The following SYBU variants were observed in gnomAD, a reference collection of about 807,000 sequenced individuals.
SYBU encodes syntabulin, also known as GOLSYN A protein.
SYBU carries 21 observed loss-of-function variants against 35.9 expected under a neutral mutation model. The observed-to-expected ratio is 0.58, with a 90% CI of 0.41 to 0.84. The LOEUF (loss-of-function observed/expected upper bound fraction) is 0.84, where lower values mean the gene tolerates loss of function less well. Among genes scored for constraint, SYBU ranks in the 40% least tolerant of loss-of-function variants. The pLI is 0.00. For missense variants in SYBU, 768 were observed against 848.2 expected, an observed-to-expected ratio of 0.91 and a Z score of 1.17; for synonymous variants, 319 against 324.3, an observed-to-expected ratio of 0.98 and a Z score of 0.18.
At chr8:109,690,642 G>C (rs557903412) in intron 1 of SYBU, among the ~76,000 whole-genome samples, 1 of 152,166 alleles carries the variant, frequency 6.6e-6, no homozygotes, top group East Asian at 1.9e-4. Context: ...CATTTAAAAA[G>C]CTTTCAGAAT....
At position 109,621,808 on chromosome 8, in the gene SYBU, G is replaced by A. The variant is rs115472544; in HGVS notation, c.230-2769C>T. Among the ~76,000 whole-genome samples the A allele has an allele frequency of 8.2e-3, 1,248 of 152,236 alleles. 8 individuals are homozygous for A. The highest frequency in any genetic ancestry group is 0.028 in the African/African-American group (1,177 of 41,534). On this transcript the variant is annotated intron_variant, in intron 2 of 6. Coordinates refer to ENST00000276646, the MANE Select transcript of SYBU (RefSeq NM_001099754.2). Reference sequence around the variant, plus strand: ...TTTGCCTGTTTTGTCTAATGCACCCGACACTAACAAAGGAATCTAGAAAGG... The same window carrying A: ...TTTGCCTGTTTTGTCTAATGCACCCAACACTAACAAAGGAATCTAGAAAGG...
upstream of SYBU, chr8:109,645,542 C>T (rs1156236627): frequency 6.1e-6 from 2 of 327,924 alleles, no homozygotes; most frequent in Admixed American, 3.8e-5. Flanking sequence ...TGGAATTGAA[C>T]TCAGAAAAAC....
At chr8:109,657,738 C>T (rs1218177980) in intron 1 of SYBU, among the ~76,000 whole-genome samples, 1 of 152,196 alleles carries the variant, frequency 6.6e-6, no homozygotes, top group East Asian at 1.9e-4. Flanking sequence ...GAGCAATCCC[C>T]TTGTCTAGCC....
At chr8:109,601,869 T>C (rs1175490432) in intron 3 of SYBU, among the ~76,000 whole-genome samples, 1 of 152,134 alleles carries the variant, frequency 6.6e-6, no homozygotes, top group Non-Finnish European at 1.5e-5. Context: ...AAAATTATGC[T>C]ATGGGCAAGA....
intron 3 of SYBU, among the ~76,000 whole-genome samples, chr8:109,604,689 T>C (rs1031581098): frequency 1.3e-5 from 2 of 152,190 alleles, no homozygotes; most frequent in African/African-American, 2.4e-5. Context: ...CTGGGCAGTA[T>C]AGGAGGCTAT....
intron 1 of SYBU, among the ~76,000 whole-genome samples, chr8:109,663,726 C>T (rs1816657687): frequency 1.3e-5 from 2 of 151,480 alleles, no homozygotes; most frequent in South Asian, 2.1e-4. Flanking sequence ...TCTATTTGAC[C>T]CTAACCTGTA....
At chr8:109,593,149 A>G (rs928404511) in intron 3 of SYBU, among the ~76,000 whole-genome samples, 60 of 152,202 alleles carry the variant, frequency 3.9e-4, no homozygotes, top group African/African-American at 1.4e-3. Flanking sequence ...TGCATTTTTG[A>G]TAATTACTAT....
upstream of SYBU, chr8:109,645,352 C>T (rs1421787686): frequency 2.2e-6 from 1 of 456,654 alleles, no homozygotes; most frequent in Admixed American, 2.3e-5. Flanking sequence ...ATCTGAAAGG[C>T]TGCGATGGAT....
At chr8:109,614,190 G>A (rs549272948) in intron 3 of SYBU, among the ~76,000 whole-genome samples, 1 of 152,176 alleles carries the variant, frequency 6.6e-6, no homozygotes, top group East Asian at 1.9e-4. Context: ...CTAACCTTGT[G>A]GACAAAAAGA....
rs572178801 is a variant in SYBU, at chr8:109,675,923, T to C, written c.-129+4788A>G. On this transcript the variant is annotated intron_variant, in intron 1 of 5. Coordinates refer to the SYBU transcript ENST00000408889. ...CTGTCAAACCAAATCCAGCAGCACA[T>C]TGAAAAGCTTATCCACCATGATCAA... is the stretch of plus-strand genomic sequence containing the variant. Among the ~76,000 whole-genome samples, 13 of 152,320 alleles carry C rather than the reference T, an allele frequency of 8.5e-5. No homozygotes were observed. The East Asian group carries it at 9.6e-4, about 11-fold the overall frequency.
intron 2 of SYBU, among the ~76,000 whole-genome samples, chr8:109,623,817 C>A (rs1227315899): frequency 6.6e-6 from 1 of 151,904 alleles, no homozygotes; most frequent in East Asian, 1.9e-4. Flanking sequence ...TAATTATAAA[C>A]CCATAATTCT....
rs926635461 is a variant in SYBU, at chr8:109,575,446, C to T, written c.1452G>A (p.Val484=). The T allele has an allele frequency of 4.3e-6, 7 of 1,614,006 alleles. No individual in the cohort carries two copies. In the African/African-American group the frequency reaches 9.3e-5, roughly 22 times the overall value. Residue 484 remains valine, a synonymous_variant, in exon 7 of 7, where the codon GTG becomes GTA. Coordinates refer to ENST00000276646, the MANE Select transcript of SYBU (RefSeq NM_001099754.2). The part of the protein sequence containing the change: ...VMGQEEGSVV[V]ERAVQTDVVP... ...CCACGTCGGTCTGAACGGCTCGCTC[C>T]ACCACCACACTGCCCTCCTCCTGAC...
chr8:109,603,950 C>G (rs906751446), intron 3 of SYBU, among the ~76,000 whole-genome samples: 1 of 152,136 alleles, frequency 6.6e-6, no homozygotes, highest in Admixed American at 6.5e-5. Context: ...TTATTCTACC[C>G]AGCTCACGCA....
At chr8:109,683,342 G>A (rs2130786307), upstream of SYBU, among the ~76,000 whole-genome samples, 1 of 152,334 alleles carries the variant, frequency 6.6e-6, no homozygotes, top group Non-Finnish European at 1.5e-5. Flanking sequence ...TCACCTGGAT[G>A]TGAGACATGA....
Position 109,654,619 on chromosome 8 carries a change from T to C in SYBU, c.-129+26092A>G, listed in dbSNP as rs987091900. Among the ~76,000 whole-genome samples, 3 of 152,296 alleles carry C rather than the reference T, an allele frequency of 2.0e-5. No homozygotes were observed. The South Asian group carries it at 6.2e-4, about 32-fold the overall frequency. On this transcript the variant is annotated intron_variant, in intron 1 of 5. Coordinates refer to the SYBU transcript ENST00000408889. ...ACAGGCAGATCTTATAGAAATTATA[T>C]AACTGCTTACCTCTATTCCATGATT... is the stretch of plus-strand genomic sequence containing the variant.
At chr8:109,576,062 A>C (rs931207868) in intron 6 of SYBU, 49 bp from the exon 7 acceptor site, 59 of 1,494,380 alleles carry the variant, frequency 3.9e-5, no homozygotes, top group Non-Finnish European at 4.7e-5. Flanking sequence ...AAAAAAAAAA[A>C]AAAAAAAACT....
chr8:109,689,436 C>T (rs1817594209), intron 1 of SYBU, among the ~76,000 whole-genome samples: 1 of 152,186 alleles, frequency 6.6e-6, no homozygotes, highest in Non-Finnish European at 1.5e-5. Flanking sequence ...AATCCTCCTG[C>T]TTCAGCCTCC....
At chr8:109,616,414 G>T (rs1442656623) in intron 3 of SYBU, among the ~76,000 whole-genome samples, 1 of 152,096 alleles carries the variant, frequency 6.6e-6, no homozygotes, top group Non-Finnish European at 1.5e-5. Flanking sequence ...TTAGGGAATT[G>T]CTCAGTGTGA....
At chr8:109,628,390 G>A (rs150805125) in intron 2 of SYBU, among the ~76,000 whole-genome samples, 2 of 151,680 alleles carry the variant, frequency 1.3e-5, no homozygotes, top group East Asian at 3.9e-4. Context: ...CCAGGCTGAA[G>A]TGTAGCAATC....
Sources: allele counts gnomAD v4.1 joint callset (sites outside exome capture counted in the v4.1 genomes callset), GRCh38; gene constraint gnomAD v4.1.1; transcripts MANE v1.5; gene names NCBI Gene and HGNC (gene_info 2026-07-23, HGNC 2026-07-21).